The following DPF3 variants were observed in gnomAD, a reference collection of about 807,000 sequenced individuals.
DPF3 encodes the protein double PHD fingers 3, also known as zinc finger protein DPF3.
DPF3 carries 18 observed loss-of-function variants against 56.8 expected under a neutral mutation model. The observed-to-expected ratio is 0.32, with a 90% confidence interval of 0.22 to 0.47. The LOEUF is 0.47. Ranked by LOEUF, DPF3 falls within the 20% of genes least tolerant of loss-of-function variation. The pLI is 1.00. For synonymous variants in DPF3, 188 were observed against 180.2 expected, an observed-to-expected ratio of 1.04 and a Z score of -0.35; for missense variants, 403 against 488.8, an observed-to-expected ratio of 0.82 and a Z score of 1.65.
At position 72,684,045 on chromosome 14, in the gene DPF3, C is replaced by CAT. The variant is rs201560069; in HGVS notation, c.742+9029_742+9030dup. Reference sequence around the variant, plus strand: ...GTGACATCATCTGCTTTATATTTTACATATATATATATTTTCTTAGAAACA... The same window carrying CAT: ...GTGACATCATCTGCTTTATATTTTACATATATATATATATTTTCTTAGAAACA... On this transcript the variant is annotated intron_variant, in intron 7 of 10. Transcript: ENST00000556509. 1.2e-3 allele frequency among the ~76,000 whole-genome samples: 178 copies of CAT among 151,960 alleles called. 1 individual carries two copies. Among genetic ancestry groups the CAT allele is most frequent in the African/African-American group, 3.6e-3 (149 of 41,440 alleles).
intron 3 of DPF3, among the ~76,000 whole-genome samples, chr14:72,747,994 A>G (rs1267603757): frequency 6.6e-6 from 1 of 152,226 alleles, no homozygotes; most frequent in Non-Finnish European, 1.5e-5. Flanking sequence ...TAATGCAGTA[A>G]ATTGGTACCA....
chr14:72,851,876 T>C (rs1270176950), intron 1 of DPF3, among the ~76,000 whole-genome samples: 1 of 152,284 alleles, frequency 6.6e-6, no homozygotes, highest in Non-Finnish European at 1.5e-5. Context: ...GCCTCCCGAT[T>C]GGCCAGGCCC....
intron 9 of DPF3, among the ~76,000 whole-genome samples, chr14:72,620,512 G>T (rs910002224): frequency 1.3e-5 from 2 of 152,182 alleles, no homozygotes; most frequent in African/African-American, 4.8e-5. Flanking sequence ...GCTTCCAGAA[G>T]CTTCCTCACT....
intron 8 of DPF3, among the ~76,000 whole-genome samples, chr14:72,665,797 C>T (rs1234262470): frequency 2.0e-5 from 3 of 152,204 alleles, no homozygotes; most frequent in Non-Finnish European, 1.5e-5. Flanking sequence ...TGTGAATTTC[C>T]TGATTGTGAT....
intron 1 of DPF3, among the ~76,000 whole-genome samples, chr14:72,875,721 T>C (rs1341350766): frequency 1.3e-5 from 2 of 152,152 alleles, no homozygotes; most frequent in Non-Finnish European, 2.9e-5. Flanking sequence ...CCCTAAGGAC[T>C]TGTGTAACCC....
chr14:72,804,180 G>GACACACACACAC (rs545355128), intron 1 of DPF3, among the ~76,000 whole-genome samples: 36 of 133,264 alleles, frequency 2.7e-4, no homozygotes, highest in South Asian at 1.8e-3. Flanking sequence ...TGCTTTCCAG[G>GACACACACACAC]ACACACACAC....
chr14:72,705,330 C>A (rs915572287), intron 6 of DPF3, among the ~76,000 whole-genome samples: 4 of 151,856 alleles, frequency 2.6e-5, no homozygotes, highest in Non-Finnish European at 5.9e-5. Flanking sequence ...TCTCCCATCA[C>A]CCCCAGATGG....
chr14:72,661,516 G>A lies in DPF3; in HGVS notation c.871+12724C>T, dbSNP rs1041358507. On this transcript the variant is annotated intron_variant, in intron 8 of 10. Coordinates refer to ENST00000556509, the MANE Select transcript of DPF3 (RefSeq NM_001280542.3). ...GGCTGTGTGAAAGCCCAGTGCAGTG[G>A]GGAGCCTGCGGGTAGAACCCAGTGG... 4.1e-6 allele frequency: 4 copies of A among 985,458 alleles called. No homozygotes were observed. In the African/African-American group the frequency reaches 7.0e-5, roughly 17 times the overall value. 61.0% of individuals were successfully genotyped at this position (985,458 alleles called of 1,614,324 possible).
intron 1 of DPF3, among the ~76,000 whole-genome samples, chr14:72,868,637 C>T (rs1179049543): frequency 6.6e-6 from 1 of 152,140 alleles, no homozygotes. Context: ...GGGAGGCAAA[C>T]TGCTCAGTGC....
At chr14:72,882,775 T>C (rs1184910928) in intron 1 of DPF3, among the ~76,000 whole-genome samples, 2 of 148,962 alleles carry the variant, frequency 1.3e-5, no homozygotes, top group African/African-American at 5.0e-5. Flanking sequence ...GCCCTCCCCC[T>C]ATCACCAGCA....
rs571459309 is a variant in DPF3 at position 72,680,329 on chromosome 14, G to T, written c.743-5961C>A. Among the ~76,000 whole-genome samples, 9 of 152,344 alleles carry T rather than the reference G, an allele frequency of 5.9e-5. No individual in the cohort carries two copies. In the East Asian group the frequency reaches 1.7e-3, roughly 29 times the overall value. On this transcript the variant is annotated intron_variant, in intron 7 of 10. Transcript: ENST00000556509. ...ATAAAAAGTGTGGGGCTTTCATTCAGGCTGGTTCTCCTTGGCCACTAATAG... is the reference window on the plus strand; with the variant it reads ...ATAAAAAGTGTGGGGCTTTCATTCATGCTGGTTCTCCTTGGCCACTAATAG...
chr14:72,706,859 G>A (rs1207291265), intron 6 of DPF3, among the ~76,000 whole-genome samples: 5 of 151,648 alleles, frequency 3.3e-5, no homozygotes, highest in Non-Finnish European at 4.4e-5. Flanking sequence ...AAGTTTTAGG[G>A]TACATGTGTA....
At position 72,890,282 on chromosome 14, in the gene DPF3, C is replaced by A. The variant is rs374553191; in HGVS notation, c.32+3775G>T. ...AAGGCAGGCAGATCACTTGAGGCCA[C>A]GAGTTTGAGACCAGCTGGCCAAGAT... On this transcript the variant is annotated intron_variant, in intron 1 of 10. Coordinates refer to ENST00000556509, the MANE Select transcript of DPF3 (RefSeq NM_001280542.3). 3.9e-4 allele frequency among the ~76,000 whole-genome samples: 60 copies of A among 152,074 alleles called. 3 individuals carry two copies. The South Asian group carries it at 0.012, about 30-fold the overall frequency.
chr14:72,629,848 T>C, intron 8 of DPF3, 112 bp from the exon 9 acceptor site: 1 of 884,648 alleles, frequency 1.1e-6, no homozygotes, highest in Non-Finnish European at 1.8e-6. Context: ...CAGGGTAGCA[T>C]GACGTAGGGA....
chr14:72,803,733 G>A lies in DPF3; in HGVS notation c.33-31840C>T, dbSNP rs553525971. Among the ~76,000 whole-genome samples, 19 of 152,352 alleles carry A rather than the reference G, an allele frequency of 1.2e-4. 1 individual carries two copies. The highest frequency in any genetic ancestry group is 1.2e-3 in the South Asian group (6 of 4,834). The stretch of plus-strand genomic sequence containing the variant: ...GCCTCAGAGTGAGCATCCGATGATC[G>A]TAGGAAGACTGAATGAATGCGTGAA... On this transcript the variant is annotated intron_variant, in intron 1 of 10. Transcript: ENST00000556509.
intron 8 of DPF3, among the ~76,000 whole-genome samples, chr14:72,632,662 G>A (rs1435303029): frequency 6.9e-6 from 1 of 144,122 alleles, no homozygotes; most frequent in Non-Finnish European, 1.5e-5. Flanking sequence ...AGGGAGGGAA[G>A]GAAAGAAGGA....
At chr14:72,767,288 G>T (rs1891327133) in intron 2 of DPF3, among the ~76,000 whole-genome samples, 1 of 152,112 alleles carries the variant, frequency 6.6e-6, no homozygotes, top group African/African-American at 2.4e-5. Context: ...GAAGAACCAG[G>T]AAAATCTCAA....
intron 3 of DPF3, among the ~76,000 whole-genome samples, chr14:72,750,733 G>A (rs191795773): frequency 2.9e-4 from 38 of 129,734 alleles, no homozygotes; most frequent in African/African-American, 1.1e-3. Flanking sequence ...AAAAGAGGAG[G>A]GAAAGTCAGA....
chr14:72,836,187 G>A, intron 1 of DPF3: 1 of 986,010 alleles, frequency 1.0e-6, no homozygotes, highest in Non-Finnish European at 1.2e-6. Context: ...CCTCTGGGGA[G>A]GGGGCACTGA....
Sources: gnomAD v4.1 joint callset for allele counts (sites outside exome capture counted in the v4.1 genomes callset) on GRCh38, gnomAD v4.1.1 for gene constraint, MANE v1.5 for transcripts, NCBI Gene and HGNC (gene_info 2026-07-23, HGNC 2026-07-21) for gene names.